The following ZNF462 variants were observed in gnomAD, a reference collection of about 807,000 sequenced individuals.
The protein encoded by ZNF462 is zinc finger protein 462.
Under a neutral mutation model 201.9 loss-of-function variants are expected in ZNF462, and 10 were observed. That is an observed-to-expected ratio of 0.05 (90% CI 0.03 to 0.08). The LOEUF (loss-of-function observed/expected upper bound fraction) is 0.08. Ranked by LOEUF, ZNF462 falls within the 10% of genes least tolerant of loss-of-function variation. The pLI is 1.00. For missense variants in ZNF462, 2,523 were observed against 3,168.3 expected (o/e 0.80, Z 4.89); for synonymous variants, 1,227 against 1,193.3 (o/e 1.03, Z -0.58).
At chr9:106,918,165 A>G (rs1829853930) in intron 1 of ZNF462, among the ~76,000 whole-genome samples, 2 of 151,966 alleles carry the variant, frequency 1.3e-5, no homozygotes, top group African/African-American at 4.8e-5. Context: ...GTGAGCCACC[A>G]CGCCCTGCCT....
chr9:107,011,265 ATCT>A lies in ZNF462; in HGVS notation c.*238_*240del. ...TCCATCACTACATCTTTTCTTCCGG[ATCT>A]TCATCATGGAAGTTTCATTTGTTGC... On this transcript the variant is annotated 3_prime_UTR_variant, in exon 13 of 13. Coordinates refer to ENST00000277225, the MANE Select transcript of ZNF462 (RefSeq NM_021224.6). The surrounding 1 kb of genome is among the most constrained non-coding windows in gnomAD (Gnocchi z 5.6). 2.1e-6 allele frequency: 1 copy of A among 481,606 alleles called. No homozygotes were observed. The highest frequency in any genetic ancestry group is 3.8e-6 in the Non-Finnish European group (1 of 265,798). The allele number at this position is 481,606 out of a possible 1,614,324, so 29.8% of individuals were successfully genotyped here. A position where few individuals can be genotyped will look rare whatever the true frequency, so the allele number is the denominator to read the frequency against.
At chr9:106,894,577 C>G (rs1828731277) in intron 1 of ZNF462, among the ~76,000 whole-genome samples, 1 of 152,220 alleles carries the variant, frequency 6.6e-6, no homozygotes, top group Non-Finnish European at 1.5e-5. Flanking sequence ...CATTAGGTAA[C>G]TACCTCAAGG....
rs145328337 is a variant in ZNF462, at chr9:106,970,091, A to G, written c.6428-1914A>G. On this transcript the variant is annotated intron_variant, in intron 7 of 12. Coordinates refer to ENST00000277225, the MANE Select transcript of ZNF462 (RefSeq NM_021224.6). This position sits in a 1 kb window ranked among gnomAD's most constrained non-coding sequence, Gnocchi z 4.2. ...AGAATGAAAAGTTGACAATTGCATT[A>G]TTGTGATCCAGAGTGGGTTCATCAG... 9.2e-5 allele frequency among the ~76,000 whole-genome samples: 14 copies of G among 152,350 alleles called. No individual in the cohort carries two copies. The East Asian group carries it at 2.7e-3, about 29-fold the overall frequency.
chr9:106,988,794 C>T (rs13287272), intron 10 of ZNF462, among the ~76,000 whole-genome samples: 1,879 of 151,726 alleles, frequency 0.012, 14 homozygotes, highest in Middle Eastern at 0.031. Flanking sequence ...TATTTTTTTG[C>T]GGCTATTTTA....
At chr9:106,985,480 A>G (rs189586615) in intron 10 of ZNF462, among the ~76,000 whole-genome samples, 18 of 152,296 alleles carry the variant, frequency 1.2e-4, no homozygotes, top group African/African-American at 4.1e-4. Flanking sequence ...CACAGGGCTC[A>G]TCTGGCATCT....
chr9:106,916,656 A>T (rs899101057), intron 1 of ZNF462, among the ~76,000 whole-genome samples: 3 of 152,226 alleles, frequency 2.0e-5, no homozygotes, highest in Non-Finnish European at 2.9e-5. Context: ...TGAACCCATG[A>T]CATTTCAGAG....
rs537071458 is a variant in ZNF462, at chr9:106,916,493, C to T, written c.-30-6861C>T. Among the ~76,000 whole-genome samples the T allele has an allele frequency of 1.7e-4, 26 of 152,272 alleles. 1 individual carries two copies. In the South Asian group the frequency reaches 5.2e-3, roughly 30 times the overall value. The stretch of plus-strand genomic sequence containing the variant: ...CTTGTGTGAAAAGTGTCTGTAGAAA[C>T]CCAGCCAGCATTCTGAAGAGTCGAT... On this transcript the variant is annotated intron_variant, in intron 1 of 12. Coordinates refer to ENST00000277225, the MANE Select transcript of ZNF462 (RefSeq NM_021224.6).
rs891030878 is a variant in ZNF462, at chr9:106,883,448, A to T, written c.-31+20093A>T. ...TTTTCTCCTCATGATCCTGTTTGGT[A>T]ATTCTGATTTTAATCCTCACATTTT... On this transcript the variant is annotated intron_variant, in intron 1 of 12. Coordinates refer to ENST00000277225, the MANE Select transcript of ZNF462 (RefSeq NM_021224.6). The surrounding 1 kb of genome is among the most constrained non-coding windows in gnomAD (Gnocchi z 4.9). Among the ~76,000 whole-genome samples the T allele has an allele frequency of 1.3e-5, 2 of 152,164 alleles. No homozygotes were observed. The highest frequency in any genetic ancestry group is 4.8e-5 in the African/African-American group (2 of 41,448).
At chr9:106,943,961 T>TA (rs1298560293) in intron 7 of ZNF462, among the ~76,000 whole-genome samples, 5 of 152,284 alleles carry the variant, frequency 3.3e-5, no homozygotes, top group East Asian at 1.9e-4. Flanking sequence ...TCTGCCAAGA[T>TA]AAAAAAATCT....
intron 10 of ZNF462, among the ~76,000 whole-genome samples, chr9:106,986,906 T>A (rs922327594): frequency 2.6e-5 from 4 of 152,102 alleles, no homozygotes; most frequent in Non-Finnish European, 5.9e-5. Flanking sequence ...AGAATACTAG[T>A]CTCCAGTTTC....
intron 1 of ZNF462, among the ~76,000 whole-genome samples, chr9:106,914,154 A>C (rs1413294552): frequency 6.7e-6 from 1 of 150,214 alleles, no homozygotes; most frequent in Non-Finnish European, 1.5e-5. Flanking sequence ...CAATTCTAAA[A>C]TCTTGGACCT....
chr9:106,902,592 A>G lies in ZNF462; in HGVS notation c.-30-20762A>G, dbSNP rs1038852510. On this transcript the variant is annotated intron_variant, in intron 1 of 12. Coordinates refer to ENST00000277225, the MANE Select transcript of ZNF462 (RefSeq NM_021224.6). The surrounding 1 kb of genome is among the most constrained non-coding windows in gnomAD (Gnocchi z 4.2). ...GGTAATTTTTTAATTTATCATTTCA[A>G]TCTCACTGCTTGTTATTGGTCTGTT... Among the ~76,000 whole-genome samples, 3 of 152,146 alleles carry G rather than the reference A, an allele frequency of 2.0e-5. No individual in the cohort carries two copies. The highest frequency in any genetic ancestry group is 1.3e-4 in the Admixed American group (2 of 15,274).
rs544855026 is a variant in ZNF462 at position 106,933,407 on chromosome 9, T to A, written c.6116+858T>A. Among the ~76,000 whole-genome samples the A allele has an allele frequency of 3.9e-5, 6 of 152,302 alleles. No individual in the cohort carries two copies. The East Asian group carries it at 1.2e-3, about 29-fold the overall frequency. On this transcript the variant is annotated intron_variant, in intron 5 of 12. Coordinates refer to ENST00000277225, the MANE Select transcript of ZNF462 (RefSeq NM_021224.6). This position sits in a 1 kb window ranked among gnomAD's most constrained non-coding sequence, Gnocchi z 4.3. ...CTTTATTATTATACAGAGCCTAATA[T>A]CTAATCTTTGTCATCAGATCCATAC...
At chr9:106,916,933 A>G (rs1169940980) in intron 1 of ZNF462, among the ~76,000 whole-genome samples, 1 of 152,222 alleles carries the variant, frequency 6.6e-6, no homozygotes, top group Non-Finnish European at 1.5e-5. Flanking sequence ...AGCTACTGAG[A>G]TATCAGCCTG....
At position 106,929,628 on chromosome 9, in the gene ZNF462, G is replaced by A. The variant is rs1830345275; in HGVS notation, c.5716G>A (p.Glu1906Lys). Reference protein sequence around the residue: ...HCDSKLQSTAELTSHLNIHNE... With the variant: ...HCDSKLQSTAKLTSHLNIHNE... Reference sequence around the variant, plus strand: ...TGATAGCAAACTGCAAAGCACAGCCGAGCTGACCTCACACTTGAACATTCA... The same window carrying A: ...TGATAGCAAACTGCAAAGCACAGCCAAGCTGACCTCACACTTGAACATTCA... The change falls in exon 3 of 13, where the codon GAG becomes AAG. Residue 1906 changes from glutamate (E) to lysine (K), a missense_variant. Around this residue, in one of 15 missense-constraint regions of ZNF462, gnomAD observed 207 missense variants for 231.6 expected, o/e 0.89. Transcript: ENST00000277225. The surrounding 1 kb of genome is among the most constrained non-coding windows in gnomAD (Gnocchi z 8.7). The A allele has an allele frequency of 4.3e-6, 7 of 1,614,158 alleles. No homozygotes were observed. The highest frequency in any genetic ancestry group is 1.7e-5 in the Admixed American group (1 of 60,024).
In ZNF462 at chr9:106,978,769, T is replaced by C. The variant is rs948514630; in HGVS notation, c.6832+4496T>C. The C allele has an allele frequency of 6.3e-6, 1 of 157,772 alleles. No homozygotes were observed. Among genetic ancestry groups the C allele is most frequent in the African/African-American group, 2.4e-5 (1 of 40,924 alleles). 9.8% of individuals were successfully genotyped at this position (157,772 alleles called of 1,614,324 possible). ...TTTTTATATACAGAAAACTGAACAGTGTACATTTAACCCAGTTTAGTGGCA... is the reference window on the plus strand; with the variant it reads ...TTTTTATATACAGAAAACTGAACAGCGTACATTTAACCCAGTTTAGTGGCA... On this transcript the variant is annotated intron_variant, in intron 9 of 12. Coordinates refer to ENST00000277225, the MANE Select transcript of ZNF462 (RefSeq NM_021224.6). This position sits in a 1 kb window ranked among gnomAD's most constrained non-coding sequence, Gnocchi z 4.1.
intron 10 of ZNF462, among the ~76,000 whole-genome samples, chr9:106,987,917 G>A (rs982412888): frequency 6.6e-6 from 1 of 152,068 alleles, no homozygotes; most frequent in Non-Finnish European, 1.5e-5. Flanking sequence ...TGTTGAAAAG[G>A]GTGTCCTTTC....
intron 10 of ZNF462, among the ~76,000 whole-genome samples, chr9:106,999,282 C>A (rs778771670): frequency 4.1e-4 from 63 of 152,102 alleles, no homozygotes; most frequent in Non-Finnish European, 8.5e-4. Flanking sequence ...ACCCACCAAT[C>A]TCCGGGCCCA....
At position 106,954,653 on chromosome 9, in the gene ZNF462, T is replaced by G. The variant is rs887935858; in HGVS notation, c.6427+15546T>G. Among the ~76,000 whole-genome samples, 2 of 152,180 alleles carry G rather than the reference T, an allele frequency of 1.3e-5. No individual in the cohort carries two copies. The highest frequency in any genetic ancestry group is 2.4e-5 in the African/African-American group (1 of 41,450). On this transcript the variant is annotated intron_variant, in intron 7 of 12. Coordinates refer to ENST00000277225, the MANE Select transcript of ZNF462 (RefSeq NM_021224.6). The surrounding 1 kb of genome is among the most constrained non-coding windows in gnomAD (Gnocchi z 4.0). ...CTCATCCTTTTGCCTTTGTTCATGT[T>G]ATGTCCCCTTTCCTTCATCTCCACA...
Sources: gnomAD v4.1 joint callset for allele counts (sites outside exome capture counted in the v4.1 genomes callset) on GRCh38, gnomAD v4.1.1 for gene constraint, gnomAD v4.1.1 regional missense constraint, Gnocchi (gnomAD v3.1) non-coding constraint, MANE v1.5 for transcripts, NCBI Gene and HGNC (gene_info 2026-07-23, HGNC 2026-07-21) for gene names.